The following CILK1 variants were observed in gnomAD, a reference collection of about 807,000 sequenced individuals.
CILK1 encodes ciliogenesis associated kinase 1.
Under a neutral mutation model 79.2 loss-of-function variants are expected in CILK1, and 47 were observed. The observed-to-expected ratio is 0.59, with a 90% CI of 0.47 to 0.76. The LOEUF is 0.76. Among genes scored for constraint, CILK1 ranks in the 30% least tolerant of loss-of-function variants. The pLI is 0.00. For missense variants in CILK1, 660 were observed against 769.5 expected (o/e 0.86, Z 1.68); for synonymous variants, 266 against 275.9 (o/e 0.96, Z 0.36).
At chr6:53,057,116 A>G (rs530504851) in intron 1 of CILK1, among the ~76,000 whole-genome samples, 60 of 152,380 alleles carry the variant, frequency 3.9e-4, no homozygotes, top group African/African-American at 1.3e-3. Context: ...GGGAACCACA[A>G]GTTCATGCAG....
chr6:53,036,318 C>T (rs117519204), intron 3 of CILK1, among the ~76,000 whole-genome samples: 2,279 of 152,208 alleles, frequency 0.015, 37 homozygotes, highest in East Asian at 0.063. Flanking sequence ...CGGATCATCT[C>T]AAACTTTTAT....
At chr6:53,021,049 G>A (rs954448412) in intron 5 of CILK1, among the ~76,000 whole-genome samples, 3 of 152,188 alleles carry the variant, frequency 2.0e-5, no homozygotes, top group Non-Finnish European at 2.9e-5. Context: ...AGCTAGGCGC[G>A]GTGGCTCACG....
At chr6:53,028,536 C>T (rs1031483206) in intron 5 of CILK1, among the ~76,000 whole-genome samples, 5 of 152,274 alleles carry the variant, frequency 3.3e-5, no homozygotes, top group South Asian at 4.1e-4. Flanking sequence ...AACACCTATT[C>T]GTTCTACCTG....
At chr6:53,007,207 T>C (rs1764280432) in intron 12 of CILK1, among the ~76,000 whole-genome samples, 1 of 152,192 alleles carries the variant, frequency 6.6e-6, no homozygotes, top group Non-Finnish European at 1.5e-5. Flanking sequence ...TTAAGAAAAG[T>C]CAGTAAGTAG....
At chr6:53,011,674 T>C (rs1411949571) in intron 11 of CILK1, 95 bp downstream of exon 11, 9 of 1,177,510 alleles carry the variant, frequency 7.6e-6, no homozygotes, top group East Asian at 4.7e-5. Flanking sequence ...AGCCCCCTAG[T>C]ATCTGCCTTC....
At chr6:53,018,049 C>G (rs528805519) in intron 7 of CILK1, among the ~76,000 whole-genome samples, 4 of 152,000 alleles carry the variant, frequency 2.6e-5, no homozygotes, top group African/African-American at 9.7e-5. Flanking sequence ...TCTGAACAGG[C>G]GTAGGAGTTG....
At chr6:53,031,620 G>A (rs765234569) in intron 4 of CILK1, among the ~76,000 whole-genome samples, 2 of 152,120 alleles carry the variant, frequency 1.3e-5, no homozygotes, top group East Asian at 1.9e-4. Context: ...AATTACCGTC[G>A]CAGGTAAATT....
intron 13 of CILK1, among the ~76,000 whole-genome samples, chr6:53,005,843 C>T (rs1252805133): frequency 6.6e-6 from 1 of 152,154 alleles, no homozygotes; most frequent in Non-Finnish European, 1.5e-5. Flanking sequence ...CCCCTGACCT[C>T]ATCTTGCTAC....
At chr6:53,046,850 TG>T (rs1767110954) in intron 1 of CILK1, among the ~76,000 whole-genome samples, 1 of 152,110 alleles carries the variant, frequency 6.6e-6, no homozygotes, top group Admixed American at 6.5e-5. Context: ...AACCAACTCT[TG>T]GGAGGAGGAG....
At chr6:53,015,037 G>A (rs1468337903) in intron 8 of CILK1, among the ~76,000 whole-genome samples, 1 of 152,146 alleles carries the variant, frequency 6.6e-6, no homozygotes. Context: ...CCAAATTGTA[G>A]TTCTTTTTTC....
chr6:53,043,168 T>A (rs748325375), intron 1 of CILK1, among the ~76,000 whole-genome samples: 1 of 151,666 alleles, frequency 6.6e-6, no homozygotes, highest in Non-Finnish European at 1.5e-5. Context: ...ACACAAAAAT[T>A]AGCTGGGTGT....
At chr6:53,011,944 C>A in intron 10 of CILK1, 27 bp from the exon 11 acceptor site, 1 of 1,614,084 alleles carries the variant, frequency 6.2e-7, no homozygotes, top group South Asian at 1.1e-5. Flanking sequence ...TGGCTTGGGT[C>A]AGCACGAGAG....
intron 1 of CILK1, among the ~76,000 whole-genome samples, chr6:53,043,818 G>GAA (rs1766876131): frequency 6.7e-6 from 1 of 150,094 alleles, no homozygotes; most frequent in African/African-American, 2.5e-5. Flanking sequence ...GATATTTCAA[G>GAA]TATGTGGAGG....
At chr6:53,038,608 G>A (rs1438525163) in intron 2 of CILK1, among the ~76,000 whole-genome samples, 2 of 152,106 alleles carry the variant, frequency 1.3e-5, no homozygotes, top group Admixed American at 1.3e-4. Flanking sequence ...TTTTAAATTG[G>A]GGGACAAGTC....
chr6:53,029,167 T>C (rs1049259753), intron 5 of CILK1, among the ~76,000 whole-genome samples: 1 of 152,190 alleles, frequency 6.6e-6, no homozygotes, highest in African/African-American at 2.4e-5. Context: ...CTGGTCTCTA[T>C]CTGAAAATGT....
chr6:53,054,892 G>C (rs6937057), intron 1 of CILK1, among the ~76,000 whole-genome samples: 1 of 152,164 alleles, frequency 6.6e-6, no homozygotes, highest in Non-Finnish European at 1.5e-5. Context: ...GCTCACATCA[G>C]GTGCCTTGCT....
Position 53,006,295 on chromosome 6 carries a change from T to G in CILK1, c.1744+20A>C. ...ACCATTTGTTGAGTAAATTCATGAA[T>G]AATTTAAAATACAACTCACCAGGGG... On this transcript the variant is annotated intron_variant, in intron 13 of 13. Coordinates refer to ENST00000676107, the MANE Select transcript of CILK1 (RefSeq NM_014920.5). 2 of 1,610,426 alleles carry G rather than the reference T, an allele frequency of 1.2e-6. No individual in the cohort carries two copies. Among genetic ancestry groups the G allele is most frequent in the Non-Finnish European group, 1.7e-6 (2 of 1,177,018 alleles).
intron 1 of CILK1, among the ~76,000 whole-genome samples, chr6:53,056,895 G>A (rs1767921914): frequency 6.6e-6 from 1 of 152,130 alleles, no homozygotes; most frequent in Non-Finnish European, 1.5e-5. Context: ...CAACTGTACT[G>A]GGACTAGGGT....
At chr6:53,041,944 T>A (rs774124838) in intron 1 of CILK1, among the ~76,000 whole-genome samples, 1 of 152,150 alleles carries the variant, frequency 6.6e-6, no homozygotes, top group African/African-American at 2.4e-5. Context: ...TATTTATAGC[T>A]CACATCCATT....
Sources: gnomAD v4.1 joint callset for allele counts (sites outside exome capture counted in the v4.1 genomes callset) on GRCh38, gnomAD v4.1.1 for gene constraint, MANE v1.5 for transcripts, NCBI Gene and HGNC (gene_info 2026-07-23, HGNC 2026-07-21) for gene names.